The following GREB1L variants were observed in gnomAD, a reference collection of about 807,000 sequenced individuals.
GREB1L encodes the protein GREB1 like retinoic acid receptor coactivator.
In GREB1L, 17 loss-of-function variants were observed where a neutral mutation model predicts 200.8. The ratio of observed to expected loss-of-function variants is 0.08; its 90% CI spans 0.06 to 0.13. The LOEUF (loss-of-function observed/expected upper bound fraction) is 0.13, where lower values mean the gene tolerates loss of function less well. GREB1L is among the 10% of genes least tolerant of loss of function. The pLI, the probability that GREB1L is intolerant of heterozygous loss-of-function variation, is 1.00. For synonymous variants in GREB1L, 789 were observed against 893.0 expected (o/e 0.88, Z 2.08); for missense variants, 1,657 against 2,367.7 (o/e 0.70, Z 6.23).
intron 5 of GREB1L, 130 bp from the exon 6 acceptor site, chr18:21,401,020 C>A: frequency 4.3e-6 from 3 of 699,920 alleles, no homozygotes; most frequent in South Asian, 4.2e-5. Context: ...GTTTTTTTCC[C>A]TCTGAATTAT....
chr18:21,361,169 TA>T (rs2039575059), intron 1 of GREB1L, among the ~76,000 whole-genome samples: 1 of 152,168 alleles, frequency 6.6e-6, no homozygotes, highest in Non-Finnish European at 1.5e-5. Flanking sequence ...ACATAAAGGA[TA>T]TCAAAGTATA....
At chr18:21,414,405 CTTTT>C (rs2031414460) in intron 7 of GREB1L, among the ~76,000 whole-genome samples, 1 of 151,952 alleles carries the variant, frequency 6.6e-6, no homozygotes, top group African/African-American at 2.4e-5. Context: ...TCTGAATTTT[CTTTT>C]ATGTTATAAT....
At chr18:21,405,630 G>A (rs369366286) in intron 7 of GREB1L, among the ~76,000 whole-genome samples, 21 of 151,996 alleles carry the variant, frequency 1.4e-4, no homozygotes, top group Admixed American at 9.2e-4. Flanking sequence ...GCAAAACCCC[G>A]TCTCTATCAA....
chr18:21,379,297 C>T (rs1235428933), intron 2 of GREB1L, among the ~76,000 whole-genome samples: 10 of 152,148 alleles, frequency 6.6e-5, no homozygotes, highest in African/African-American at 1.9e-4. Context: ...ACCTCCGCCT[C>T]CCGGGTTCAA....
intron 1 of GREB1L, among the ~76,000 whole-genome samples, chr18:21,350,161 C>T (rs769048952): frequency 6.6e-6 from 1 of 151,836 alleles, no homozygotes; most frequent in Non-Finnish European, 1.5e-5. Flanking sequence ...TAGCACAGTT[C>T]TCAGTAGTTT....
chr18:21,415,184 C>T (rs780164034), intron 7 of GREB1L, among the ~76,000 whole-genome samples: 53 of 152,244 alleles, frequency 3.5e-4, no homozygotes, highest in Non-Finnish European at 6.2e-4. Flanking sequence ...TTACTTGGTA[C>T]CTGCATGTGA....
chr18:21,417,693 G>A (rs770350176), intron 7 of GREB1L, among the ~76,000 whole-genome samples: 2 of 151,888 alleles, frequency 1.3e-5, no homozygotes, highest in Non-Finnish European at 2.9e-5. Context: ...ACAAGGCATT[G>A]AAAACCACTG....
At chr18:21,430,526 C>A (rs1240340510) in intron 7 of GREB1L, among the ~76,000 whole-genome samples, 1 of 108,066 alleles carries the variant, frequency 9.3e-6, no homozygotes, top group African/African-American at 3.3e-5. Context: ...TTCACTTTTT[C>A]TAGTTTCTTA....
At chr18:21,460,582 C>A (rs1468314891) in intron 15 of GREB1L, among the ~76,000 whole-genome samples, 11 of 151,874 alleles carry the variant, frequency 7.2e-5, no homozygotes, top group Admixed American at 7.2e-4. Context: ...TCAGGTGATC[C>A]ACCCGCCTCG....
chr18:21,401,354 A>T, intron 6 of GREB1L, 28 bp downstream of exon 6: 1 of 1,526,456 alleles, frequency 6.6e-7, no homozygotes, highest in Non-Finnish European at 8.9e-7. Flanking sequence ...AGAAAAGGGG[A>T]GGGAATGGAG....
At chr18:21,276,822 A>T (rs1165958898) in intron 1 of GREB1L, among the ~76,000 whole-genome samples, 3 of 152,112 alleles carry the variant, frequency 2.0e-5, no homozygotes, top group African/African-American at 4.8e-5. Flanking sequence ...AGAAAGAAGG[A>T]AAGAAAGAAA....
Position 21,385,768 on chromosome 18 carries a change from G to A in GREB1L, c.355+1365G>A, listed in dbSNP as rs143505628. On this transcript the variant is annotated intron_variant, in intron 4 of 32. Coordinates refer to ENST00000424526, the MANE Select transcript of GREB1L (RefSeq NM_001142966.3). ...AAGGTGAAATAGTGCTTAAAACGTT[G>A]TTGGATTCCCATTGAGAATCTTGTT... 2.0e-5 allele frequency among the ~76,000 whole-genome samples: 3 copies of A among 152,176 alleles called. No individual in the cohort carries two copies. In the South Asian group the frequency reaches 6.2e-4, roughly 31 times the overall value.
intron 7 of GREB1L, among the ~76,000 whole-genome samples, chr18:21,434,293 G>A (rs2033368143): frequency 6.6e-6 from 1 of 151,880 alleles, no homozygotes; most frequent in Non-Finnish European, 1.5e-5. Context: ...TGGCCAACAT[G>A]GCAAAACCTC....
At chr18:21,379,650 T>C (rs570068531) in intron 2 of GREB1L, among the ~76,000 whole-genome samples, 4 of 152,296 alleles carry the variant, frequency 2.6e-5, no homozygotes, top group African/African-American at 9.6e-5. Flanking sequence ...AGATAAGCAA[T>C]CCTATGGTTA....
At chr18:21,501,147 C>T (rs1404813597) in intron 23 of GREB1L, among the ~76,000 whole-genome samples, 2 of 151,320 alleles carry the variant, frequency 1.3e-5, no homozygotes, top group Non-Finnish European at 2.9e-5. Context: ...AAACTGTAGC[C>T]TTTTTTAGCT....
chr18:21,375,064 GT>G (rs1317023126), intron 2 of GREB1L, among the ~76,000 whole-genome samples: 1 of 134,150 alleles, frequency 7.5e-6, no homozygotes, highest in African/African-American at 3.6e-5. Context: ...TTTGTTTTTT[GT>G]TTTTGTTTTT....
intron 7 of GREB1L, among the ~76,000 whole-genome samples, chr18:21,422,898 T>C (rs969802580): frequency 3.9e-5 from 6 of 152,206 alleles, no homozygotes; most frequent in Admixed American, 6.5e-5. Context: ...TATTGAACTT[T>C]TGGATTTTTG....
At position 21,464,261 on chromosome 18, in the gene GREB1L, C is replaced by T. The variant is rs557417724; in HGVS notation, c.2183-8770C>T. Among the ~76,000 whole-genome samples the T allele has an allele frequency of 2.6e-5, 4 of 152,084 alleles. No homozygotes were observed. In the East Asian group the frequency reaches 5.8e-4, roughly 22 times the overall value. On this transcript the variant is annotated intron_variant, in intron 15 of 32. Coordinates refer to ENST00000424526, the MANE Select transcript of GREB1L (RefSeq NM_001142966.3). ...ATGTCATTAGGGGGCCGGGCGCGGT[C>T]GCTCACGCCTGTAATCCCAGCACTT...
intron 18 of GREB1L, among the ~76,000 whole-genome samples, chr18:21,487,989 C>A (rs2036191096): frequency 6.8e-6 from 1 of 147,562 alleles, no homozygotes; most frequent in Non-Finnish European, 1.5e-5. Flanking sequence ...CCAGTCCGAG[C>A]GACAGAGTGA....
Sources: allele counts gnomAD v4.1 joint callset (sites outside exome capture counted in the v4.1 genomes callset), GRCh38; gene constraint gnomAD v4.1.1; transcripts MANE v1.5; gene names NCBI Gene and HGNC (gene_info 2026-07-23, HGNC 2026-07-21).